The following PTPRD variants were observed in gnomAD, a reference collection of about 807,000 sequenced individuals.
PTPRD encodes receptor-type tyrosine-protein phosphatase delta.
PTPRD carries 34 observed loss-of-function variants against 214.5 expected under a neutral mutation model. The ratio of observed to expected loss-of-function variants is 0.16; its 90% confidence interval spans 0.12 to 0.21. PTPRD has a LOEUF of 0.21. PTPRD is among the 10% of genes least tolerant of loss of function. The pLI, the probability that PTPRD is intolerant of heterozygous loss-of-function variation, is 1.00. For synonymous variants in PTPRD, 1,128 were observed against 845.7 expected (o/e 1.33, Z -5.79); for missense variants, 2,545 against 2,398.7 (o/e 1.06, Z -1.27).
At chr9:10,442,960 CAT>C (rs977886136) in intron 2 of PTPRD, among the ~76,000 whole-genome samples, 21 of 151,300 alleles carry the variant, frequency 1.4e-4, no homozygotes, top group African/African-American at 4.4e-4. Context: ...TGTATTCACA[CAT>C]GTCTGTTTGG....
chr9:10,453,496 A>G (rs944105788), intron 2 of PTPRD, among the ~76,000 whole-genome samples: 3 of 151,572 alleles, frequency 2.0e-5, no homozygotes, highest in African/African-American at 7.2e-5. Flanking sequence ...TCAATGTTTT[A>G]TAGTTTTCAG....
At chr9:9,634,915 G>C (rs2095709026) in intron 7 of PTPRD, among the ~76,000 whole-genome samples, 1 of 152,158 alleles carries the variant, frequency 6.6e-6, no homozygotes, top group Admixed American at 6.6e-5. Flanking sequence ...TAACCAGCCA[G>C]AGAGGTAAGT....
intron 3 of PTPRD, among the ~76,000 whole-genome samples, chr9:10,143,339 A>T (rs2099000451): frequency 6.6e-6 from 1 of 152,156 alleles, no homozygotes. Context: ...AGAGAAATGC[A>T]AATCAAAACC....
intron 14 of PTPRD, among the ~76,000 whole-genome samples, chr9:8,547,807 T>C (rs977997291): frequency 6.6e-6 from 1 of 152,254 alleles, no homozygotes; most frequent in Admixed American, 6.5e-5. Flanking sequence ...TGTATGTTTG[T>C]ACAAAGCACA....
intron 11 of PTPRD, among the ~76,000 whole-genome samples, chr9:8,819,046 G>T (rs943782108): frequency 6.6e-6 from 1 of 152,172 alleles, no homozygotes; most frequent in African/African-American, 2.4e-5. Context: ...GGCATAAAAT[G>T]CTAGAAAATG....
At chr9:9,028,176 C>T (rs920304066) in intron 10 of PTPRD, among the ~76,000 whole-genome samples, 8 of 151,932 alleles carry the variant, frequency 5.3e-5, no homozygotes, top group Admixed American at 2.0e-4. Context: ...TTTTCCAACA[C>T]GTTCTTTTAT....
At chr9:9,070,189 A>G (rs961034240) in intron 10 of PTPRD, among the ~76,000 whole-genome samples, 1 of 152,184 alleles carries the variant, frequency 6.6e-6, no homozygotes, top group Non-Finnish European at 1.5e-5. Context: ...GTGTCACTTG[A>G]TTCTCTAGAC....
intron 9 of PTPRD, among the ~76,000 whole-genome samples, chr9:9,195,871 G>T (rs2099938285): frequency 6.6e-6 from 1 of 151,984 alleles, no homozygotes; most frequent in Non-Finnish European, 1.5e-5. Flanking sequence ...GTTATAGGCT[G>T]GTCATTGTTT....
chr9:10,532,317 A>C (rs1304711129), intron 2 of PTPRD: 1 of 154,598 alleles, frequency 6.5e-6, no homozygotes, highest in Non-Finnish European at 1.4e-5. Context: ...GGACAACCTC[A>C]TAAACTGGTT....
chr9:9,288,382 T>C (rs1176875831), intron 9 of PTPRD, among the ~76,000 whole-genome samples: 1 of 151,900 alleles, frequency 6.6e-6, no homozygotes, highest in Non-Finnish European at 1.5e-5. Context: ...TTTCATACTT[T>C]GTTAAACATT....
rs560029907 is a variant in PTPRD, at chr9:9,716,254, T to G, written c.-287+18279A>C. On this transcript the variant is annotated intron_variant, in intron 7 of 45. Transcript: ENST00000381196. ...ACATTTTTTTAATTCAGTCTATCAT[T>G]GTTGGACATTTGGGTTGGTTTCAAG... 4.6e-5 allele frequency among the ~76,000 whole-genome samples: 7 copies of G among 152,280 alleles called. No homozygotes were observed. In the South Asian group the frequency reaches 1.5e-3, roughly 32 times the overall value.
intron 23 of PTPRD, among the ~76,000 whole-genome samples, chr9:8,501,478 T>C (rs937986554): frequency 6.6e-6 from 1 of 152,166 alleles, no homozygotes; most frequent in Non-Finnish European, 1.5e-5. Context: ...TCACAGATGT[T>C]TCCAAGCTTT....
At chr9:8,711,815 A>T (rs1159133947) in intron 12 of PTPRD, among the ~76,000 whole-genome samples, 1 of 152,230 alleles carries the variant, frequency 6.6e-6, no homozygotes, top group Non-Finnish European at 1.5e-5. Flanking sequence ...ATAATCACCA[A>T]ATATTTGAAA....
At chr9:10,145,847 TA>T (rs775814644) in intron 3 of PTPRD, among the ~76,000 whole-genome samples, 3 of 152,052 alleles carry the variant, frequency 2.0e-5, no homozygotes, top group African/African-American at 2.4e-5. Flanking sequence ...AAAATGGACA[TA>T]ATGGCAAAAT....
chr9:8,816,596 T>A (rs1247153473), intron 11 of PTPRD, among the ~76,000 whole-genome samples: 4 of 152,210 alleles, frequency 2.6e-5, no homozygotes, highest in Non-Finnish European at 1.5e-5. Flanking sequence ...AAGGCTTTTA[T>A]GTCAAGTTCT....
At chr9:8,433,996 T>C (rs1267129206) in intron 35 of PTPRD, among the ~76,000 whole-genome samples, 2 of 151,860 alleles carry the variant, frequency 1.3e-5, no homozygotes, top group Non-Finnish European at 2.9e-5. Flanking sequence ...TGCTTGTTTG[T>C]TTGTTTGTTT....
chr9:8,844,421 A>C (rs954934135), intron 11 of PTPRD, among the ~76,000 whole-genome samples: 1 of 152,190 alleles, frequency 6.6e-6, no homozygotes, highest in South Asian at 2.1e-4. Context: ...CCTTTTACTA[A>C]GCATATTTTT....
intron 10 of PTPRD, among the ~76,000 whole-genome samples, chr9:9,085,523 C>A (rs74793788): frequency 0.014 from 2,161 of 152,156 alleles, 39 homozygotes; most frequent in East Asian, 0.064. Flanking sequence ...AGATCCATTT[C>A]CAAACAGTTT....
At chr9:8,897,188 C>T (rs767526992) in intron 11 of PTPRD, among the ~76,000 whole-genome samples, 5 of 152,138 alleles carry the variant, frequency 3.3e-5, no homozygotes, top group African/African-American at 9.7e-5. Context: ...TATTAAATGC[C>T]TGTGGGTTCC....
Sources: gnomAD v4.1 joint callset for allele counts (sites outside exome capture counted in the v4.1 genomes callset) on GRCh38, gnomAD v4.1.1 for gene constraint, MANE v1.5 for transcripts, NCBI Gene and HGNC (gene_info 2026-07-23, HGNC 2026-07-21) for gene names.